Variants in PLEKHM3 observed in about 807,000 individuals in gnomAD.
PLEKHM3 encodes the protein pleckstrin homology domain-containing family M member 3.
A neutral mutation model predicts 81.8 loss-of-function variants in PLEKHM3; 45 were observed. The observed-to-expected ratio is 0.55, with a 90% CI of 0.43 to 0.71. The LOEUF is 0.71. PLEKHM3 is among the 30% of genes least tolerant of loss of function. The pLI is 0.00. For synonymous variants in PLEKHM3, 352 were observed against 356.4 expected, an observed-to-expected ratio of 0.99 and a Z score of 0.14; for missense variants, 788 against 924.3, an observed-to-expected ratio of 0.85 and a Z score of 1.91.
intron 3 of PLEKHM3, among the ~76,000 whole-genome samples, chr2:207,957,704 C>T (rs535232407): frequency 1.3e-5 from 2 of 150,238 alleles, no homozygotes; most frequent in Admixed American, 6.6e-5. Flanking sequence ...TCTCAAAAAA[C>T]AAAACAAAAA....
In PLEKHM3 at chr2:207,865,799, AAAAG is replaced by A. The variant is rs1408172891; in HGVS notation, c.1951-4541_1951-4538del. On this transcript the variant is annotated intron_variant, in intron 6 of 7. Transcript: ENST00000427836. Reference sequence around the variant, plus strand: ...TCCGACTCAAAAAAAAAAAAAAAAAAAAAGATATATATATATATATATATATATA... The same window carrying A: ...TCCGACTCAAAAAAAAAAAAAAAAAAATATATATATATATATATATATATA... 3.3e-3 allele frequency among the ~76,000 whole-genome samples: 115 copies of A among 35,074 alleles called. 7 individuals carry two copies. The highest frequency in any genetic ancestry group is 0.02 in the African/African-American group (111 of 5,534). 23.0% of individuals were successfully genotyped at this position (35,074 alleles called of 152,430 possible). A position where few individuals can be genotyped will look rare whatever the true frequency, so the allele number is the denominator to read the frequency against.
intron 6 of PLEKHM3, among the ~76,000 whole-genome samples, chr2:207,870,846 G>C (rs2092529972): frequency 6.6e-6 from 1 of 152,240 alleles, no homozygotes; most frequent in South Asian, 2.1e-4. Flanking sequence ...GGGGGCTGAT[G>C]CCTGTAATCC....
Position 207,823,018 on chromosome 2 carries a change from G to A in PLEKHM3, c.*5301C>T, listed in dbSNP as rs1482360339. ...TTGCAGCTTCACGGCCAATAGGAGG[G>A]AGCCCTCCTAAGAGTTAGGAGTTGC... On this transcript the variant is annotated 3_prime_UTR_variant, in exon 8 of 8. Coordinates refer to ENST00000427836, the MANE Select transcript of PLEKHM3 (RefSeq NM_001080475.3). 3 of 152,312 alleles carry A rather than the reference G, an allele frequency of 2.0e-5. No individual in the cohort carries two copies. Among genetic ancestry groups the A allele is most frequent in the Non-Finnish European group, 2.9e-5 (2 of 68,138 alleles). 9.4% of individuals were successfully genotyped at this position (152,312 alleles called of 1,614,324 possible). A position where few individuals can be genotyped will look rare whatever the true frequency, so the allele number is the denominator to read the frequency against.
At chr2:207,960,753 C>A (rs1302479158) in intron 3 of PLEKHM3, among the ~76,000 whole-genome samples, 1 of 152,136 alleles carries the variant, frequency 6.6e-6, no homozygotes, top group Non-Finnish European at 1.5e-5. Flanking sequence ...GCCTGGAAAC[C>A]TTTAGCATTA....
intron 6 of PLEKHM3, among the ~76,000 whole-genome samples, chr2:207,885,494 A>G (rs557807359): frequency 6.6e-6 from 1 of 152,254 alleles, no homozygotes; most frequent in Non-Finnish European, 1.5e-5. Context: ...TCATCAAAGC[A>G]GGAAATAAAG....
At chr2:207,877,656 T>A (rs1420900258) in intron 6 of PLEKHM3, among the ~76,000 whole-genome samples, 1 of 152,134 alleles carries the variant, frequency 6.6e-6, no homozygotes, top group Non-Finnish European at 1.5e-5. Flanking sequence ...TTTTAAAAAA[T>A]TACATTAAAA....
chr2:207,979,536 G>GAA (rs796407911), intron 2 of PLEKHM3, among the ~76,000 whole-genome samples: 3 of 105,140 alleles, frequency 2.9e-5, no homozygotes, highest in African/African-American at 7.0e-5. Context: ...CGCCGTCTCA[G>GAA]AAAAAAAAAA....
chr2:207,912,293 T>A (rs368500472), intron 5 of PLEKHM3, among the ~76,000 whole-genome samples: 1 of 152,376 alleles, frequency 6.6e-6, no homozygotes. Flanking sequence ...ATTTATTTAA[T>A]GTTTCTATGT....
At chr2:207,903,609 T>C (rs925788622) in intron 6 of PLEKHM3, among the ~76,000 whole-genome samples, 5 of 152,244 alleles carry the variant, frequency 3.3e-5, no homozygotes, top group Admixed American at 2.0e-4. Context: ...GAAGGAACTT[T>C]AGAAGAATTC....
At chr2:207,906,613 AC>A (rs1688619290) in intron 6 of PLEKHM3, among the ~76,000 whole-genome samples, 1 of 151,922 alleles carries the variant, frequency 6.6e-6, no homozygotes, top group Non-Finnish European at 1.5e-5. Context: ...ACACGGTGAA[AC>A]CCCGTCTCTA....
At chr2:207,845,744 A>G (rs973952790) in intron 7 of PLEKHM3, among the ~76,000 whole-genome samples, 1 of 152,236 alleles carries the variant, frequency 6.6e-6, no homozygotes, top group East Asian at 1.9e-4. Context: ...GAATAAAGCA[A>G]ACTCTCTATT....
At chr2:207,926,075 A>C (rs1316724912) in intron 5 of PLEKHM3, among the ~76,000 whole-genome samples, 1 of 152,126 alleles carries the variant, frequency 6.6e-6, no homozygotes, top group East Asian at 1.9e-4. Flanking sequence ...AATGGGCTGG[A>C]GATGAGAAAA....
intron 3 of PLEKHM3, among the ~76,000 whole-genome samples, chr2:207,960,375 AGAG>A (rs1437845716): frequency 6.6e-6 from 1 of 152,152 alleles, no homozygotes; most frequent in African/African-American, 2.4e-5. Context: ...TGCTGTGATA[AGAG>A]GACATCACAG....
chr2:207,928,523 C>G (rs1689482680), intron 5 of PLEKHM3, among the ~76,000 whole-genome samples: 1 of 152,202 alleles, frequency 6.6e-6, no homozygotes, highest in Non-Finnish European at 1.5e-5. Context: ...TTAGTATGTC[C>G]AAGCACTGTT....
intron 6 of PLEKHM3, among the ~76,000 whole-genome samples, chr2:207,903,857 T>C (rs1038105528): frequency 1.3e-5 from 2 of 152,184 alleles, no homozygotes; most frequent in African/African-American, 2.4e-5. Context: ...GCATTGAGAG[T>C]TACGGTACAA....
At chr2:207,945,872 G>C (rs568349162) in intron 4 of PLEKHM3, among the ~76,000 whole-genome samples, 4 of 151,554 alleles carry the variant, frequency 2.6e-5, no homozygotes, top group Non-Finnish European at 5.9e-5. Flanking sequence ...CTGCACTCCA[G>C]CCTGGGTGAT....
At chr2:207,978,136 A>G (rs1290627837) in intron 2 of PLEKHM3, among the ~76,000 whole-genome samples, 1 of 152,074 alleles carries the variant, frequency 6.6e-6, no homozygotes, top group Non-Finnish European at 1.5e-5. Context: ...CACATGTACA[A>G]GAATAAGTAT....
intron 1 of PLEKHM3, among the ~76,000 whole-genome samples, chr2:208,014,136 G>A (rs1431140017): frequency 1.3e-5 from 2 of 152,146 alleles, no homozygotes; most frequent in South Asian, 4.1e-4. Flanking sequence ...AACAACCTTG[G>A]CTACCAATCA....
intron 3 of PLEKHM3, among the ~76,000 whole-genome samples, chr2:207,967,180 A>C (rs1260525873): frequency 1.3e-5 from 2 of 151,868 alleles, no homozygotes; most frequent in Non-Finnish European, 2.9e-5. Flanking sequence ...TTTTTGGTGG[A>C]GACAGGGTCT....
Sources: gnomAD v4.1 joint callset for allele counts (sites outside exome capture counted in the v4.1 genomes callset) on GRCh38, gnomAD v4.1.1 for gene constraint, MANE v1.5 for transcripts, NCBI Gene and HGNC (gene_info 2026-07-23, HGNC 2026-07-21) for gene names.